HS2ST1: variants seen among roughly 807,000 people sequenced by gnomAD.
HS2ST1 encodes the protein heparan sulfate 2-O-sulfotransferase 1.
A neutral mutation model predicts 42.9 loss-of-function variants in HS2ST1; 18 were observed. That is an observed-to-expected ratio of 0.42 (90% CI 0.29 to 0.62). The LOEUF is 0.62. Among genes scored for constraint, HS2ST1 ranks in the 20% least tolerant of loss-of-function variants. HS2ST1 has a pLI of 0.21. For missense variants in HS2ST1, 334 were observed against 433.8 expected (o/e 0.77, Z 2.04); for synonymous variants, 146 against 152.9 (o/e 0.95, Z 0.33).
intron 1 of HS2ST1, among the ~76,000 whole-genome samples, chr1:87,058,114 C>CT (rs1651024206): frequency 1.3e-5 from 2 of 151,742 alleles, no homozygotes; most frequent in South Asian, 4.2e-4. Context: ...CTTTATGGAA[C>CT]TTATCTCAGG....
At chr1:87,016,080 G>A (rs527688462) in intron 1 of HS2ST1, among the ~76,000 whole-genome samples, 1 of 152,196 alleles carries the variant, frequency 6.6e-6, no homozygotes, top group Non-Finnish European at 1.5e-5. Context: ...CTCCCAAAGT[G>A]CTGGGATTAC....
intron 1 of HS2ST1, among the ~76,000 whole-genome samples, chr1:86,990,828 A>G (rs1392318318): frequency 5.6e-5 from 1 of 17,760 alleles, no homozygotes; most frequent in Non-Finnish European, 2.1e-4. Context: ...ATATATATAT[A>G]TATATATATT....
chr1:86,944,320 G>A (rs1414609480), intron 1 of HS2ST1, among the ~76,000 whole-genome samples: 2 of 151,998 alleles, frequency 1.3e-5, no homozygotes, highest in Non-Finnish European at 2.9e-5. Context: ...TGACATAAAC[G>A]TTTTTTGGCC....
chr1:87,008,133 T>G (rs1224859515), intron 1 of HS2ST1, among the ~76,000 whole-genome samples: 1 of 152,174 alleles, frequency 6.6e-6, no homozygotes, highest in Non-Finnish European at 1.5e-5. Flanking sequence ...CTGCTTTTGG[T>G]CTAGTCTTCC....
chr1:87,065,774 GA>G (rs1394914921), intron 1 of HS2ST1, among the ~76,000 whole-genome samples: 1 of 152,160 alleles, frequency 6.6e-6, no homozygotes, highest in African/African-American at 2.4e-5. Flanking sequence ...TGTCATTACT[GA>G]AGTGTTATTA....
In HS2ST1 at chr1:86,989,940, G is replaced by A. The variant is rs1188683781; in HGVS notation, c.124+74780G>A. On this transcript the variant is annotated intron_variant, in intron 1 of 6. Coordinates refer to ENST00000370550, the MANE Select transcript of HS2ST1 (RefSeq NM_012262.4). ...CTGCATAATATTCCATGGTGTATGT[G>A]CCACATTTTCTTTATCTAGTCTGTC... Among the ~76,000 whole-genome samples the A allele has an allele frequency of 2.6e-5, 4 of 151,972 alleles. 1 individual carries two copies. Among genetic ancestry groups the A allele is most frequent in the Non-Finnish European group, 5.9e-5 (4 of 68,036 alleles).
intron 1 of HS2ST1, among the ~76,000 whole-genome samples, chr1:87,063,074 A>G (rs2100625049): frequency 6.6e-6 from 1 of 152,220 alleles, no homozygotes; most frequent in Middle Eastern, 3.4e-3. Context: ...GTCAGCCATA[A>G]TTTCTTTGAG....
At chr1:87,062,946 G>A (rs1425829842) in intron 1 of HS2ST1, among the ~76,000 whole-genome samples, 1 of 152,042 alleles carries the variant, frequency 6.6e-6, no homozygotes, top group Non-Finnish European at 1.5e-5. Flanking sequence ...TTTGTCTTTT[G>A]TTTTCAGAAG....
chr1:87,075,633 CT>C (rs1040532390), intron 2 of HS2ST1, among the ~76,000 whole-genome samples: 5 of 152,184 alleles, frequency 3.3e-5, no homozygotes, highest in Admixed American at 3.3e-4. Flanking sequence ...CCTGACCATC[CT>C]CTTTATTCCC....
At chr1:87,020,253 A>G (rs1416101573) in intron 1 of HS2ST1, among the ~76,000 whole-genome samples, 4 of 152,224 alleles carry the variant, frequency 2.6e-5, no homozygotes, top group Admixed American at 2.0e-4. Flanking sequence ...GCAGATTAAA[A>G]TGATGGCTCC....
chr1:86,923,023 T>TTGTG (rs377733632), intron 1 of HS2ST1, among the ~76,000 whole-genome samples: 1 of 151,492 alleles, frequency 6.6e-6, no homozygotes, highest in African/African-American at 2.4e-5. Context: ...CTCAGTCTTT[T>TTGTG]TGTGTGTGTG....
rs1652313812 is a variant in HS2ST1 at position 87,105,792 on chromosome 1, A to G, written c.*1096A>G. ...TCTCATTTAACTTTACTGTTAAGAC[A>G]TCACTGAAATGAACTTCAGTAAGCT... On this transcript the variant is annotated 3_prime_UTR_variant, in exon 7 of 7. Coordinates refer to ENST00000370550, the MANE Select transcript of HS2ST1 (RefSeq NM_012262.4). The G allele has an allele frequency of 6.6e-6, 1 of 152,554 alleles. No homozygotes were observed. Among genetic ancestry groups the G allele is most frequent in the African/African-American group, 2.4e-5 (1 of 41,466 alleles). The allele number at this position is 152,554 out of a possible 1,614,324, so 9.5% of individuals were successfully genotyped here.
At chr1:87,012,245 T>C (rs1649617378) in intron 1 of HS2ST1, among the ~76,000 whole-genome samples, 1 of 152,166 alleles carries the variant, frequency 6.6e-6, no homozygotes, top group African/African-American at 2.4e-5. Flanking sequence ...AATAAAGACA[T>C]ACCCGAGACT....
intron 1 of HS2ST1, among the ~76,000 whole-genome samples, chr1:87,044,365 A>C (rs1258460767): frequency 6.6e-6 from 1 of 152,180 alleles, no homozygotes; most frequent in African/African-American, 2.4e-5. Flanking sequence ...CTATAACAAT[A>C]CACAAAAATT....
intron 1 of HS2ST1, among the ~76,000 whole-genome samples, chr1:86,987,303 C>T (rs907680776): frequency 2.0e-5 from 3 of 151,990 alleles, no homozygotes; most frequent in African/African-American, 2.4e-5. Context: ...CTCGAACTCC[C>T]GACTTCGTGA....
At chr1:87,044,319 G>T (rs1415844756) in intron 1 of HS2ST1, among the ~76,000 whole-genome samples, 1 of 152,028 alleles carries the variant, frequency 6.6e-6, no homozygotes, top group Non-Finnish European at 1.5e-5. Context: ...TATAGCCATT[G>T]AGTTTTACAA....
chr1:86,983,292 T>G (rs746661875), intron 1 of HS2ST1, among the ~76,000 whole-genome samples: 5 of 152,198 alleles, frequency 3.3e-5, no homozygotes, highest in African/African-American at 4.8e-5. Flanking sequence ...CTGGGTAATT[T>G]ATAAAAGAAA....
chr1:86,941,572 G>GACC (rs1238360751), intron 1 of HS2ST1, among the ~76,000 whole-genome samples: 1 of 152,048 alleles, frequency 6.6e-6, no homozygotes, highest in African/African-American at 2.4e-5. Flanking sequence ...AGGAGTTGAA[G>GACC]ACCAGCCTGG....
chr1:87,079,058 ATAT>A (rs1236696115), intron 2 of HS2ST1, among the ~76,000 whole-genome samples: 1 of 152,200 alleles, frequency 6.6e-6, no homozygotes, highest in African/African-American at 2.4e-5. Context: ...GGAGTTACTC[ATAT>A]TATTTCCTTG....
Sources: allele counts gnomAD v4.1 joint callset (sites outside exome capture counted in the v4.1 genomes callset), GRCh38; gene constraint gnomAD v4.1.1; transcripts MANE v1.5; gene names NCBI Gene and HGNC (gene_info 2026-07-23, HGNC 2026-07-21).